Variants in HMGCLL1 observed in about 807,000 individuals in gnomAD.
HMGCLL1 encodes 3-hydroxy-3-methylglutaryl-CoA lyase like 1.
A neutral mutation model predicts 39.1 loss-of-function variants in HMGCLL1; 36 were observed. The ratio of observed to expected loss-of-function variants is 0.92; its 90% confidence interval spans 0.71 to 1.22. HMGCLL1 has a LOEUF of 1.22. HMGCLL1 is among the 50% of genes most tolerant of loss of function. The pLI is 0.00. For synonymous variants in HMGCLL1, 149 were observed against 144.0 expected (o/e 1.03, Z -0.25); for missense variants, 451 against 416.5 (o/e 1.08, Z -0.72).
At chr6:55,650,463 A>T in the HMGCLL1 span, among the ~76,000 whole-genome samples, 5 of 151,658 alleles carry the variant, frequency 3.3e-5, no homozygotes, top group African/African-American at 1.2e-4. Context: ...CCTCCAAAAT[A>T]TATGGAGTCC....
chr6:55,619,393 T>C, the HMGCLL1 span, among the ~76,000 whole-genome samples: 2 of 152,266 alleles, frequency 1.3e-5, no homozygotes, highest in East Asian at 3.9e-4. Context: ...ATAAGACTAC[T>C]GATTCTAATG....
At chr6:55,620,654 GAC>G in the HMGCLL1 span, among the ~76,000 whole-genome samples, 23 of 149,394 alleles carry the variant, frequency 1.5e-4, no homozygotes, top group African/African-American at 2.2e-4. Flanking sequence ...CAGACACACA[GAC>G]ACACACACAC....
chr6:55,542,186 T>C lies in HMGCLL1; in HGVS notation c.109-46A>G, dbSNP rs371252434. ...ACAAGATAACGTAACTTTTAGATTG[T>C]TACATTTGCTTATTTGAAAAGTTAA... On this transcript the variant is annotated intron_variant, in intron 1 of 8. Transcript: ENST00000274901. The C allele has an allele frequency of 6.0e-5, 76 of 1,256,396 alleles. 1 individual carries two copies. The African/African-American group carries it at 8.8e-4, about 15-fold the overall frequency. The allele number at this position is 1,256,396 out of a possible 1,614,324, so 77.8% of individuals were successfully genotyped here.
the HMGCLL1 span, among the ~76,000 whole-genome samples, chr6:55,636,197 T>C: frequency 3.3e-5 from 5 of 152,210 alleles, no homozygotes; most frequent in East Asian, 9.7e-4. Flanking sequence ...GGGAATATAA[T>C]TAAGGAATGA....
rs188389776 is a variant in HMGCLL1, at chr6:55,450,566, A to T, written c.796-11007T>A. Among the ~76,000 whole-genome samples the T allele has an allele frequency of 5.3e-5, 8 of 152,362 alleles. No individual in the cohort carries two copies. The East Asian group carries it at 1.3e-3, about 26-fold the overall frequency. On this transcript the variant is annotated intron_variant, in intron 7 of 8. Coordinates refer to ENST00000274901, the MANE Select transcript of HMGCLL1 (RefSeq NM_001042406.2). ...TAGCAAAATGCTGGATTTTAAAAGT[A>T]TATAACAAAGATGTGGAGGCAGACA...
chr6:55,609,878 G>C, the HMGCLL1 span, among the ~76,000 whole-genome samples: 1 of 152,112 alleles, frequency 6.6e-6, no homozygotes, highest in Non-Finnish European at 1.5e-5. Flanking sequence ...TCTAGGTGCA[G>C]GTGCAAGAGT....
At chr6:55,573,637 T>A (rs1771626797) in intron 1 of HMGCLL1, among the ~76,000 whole-genome samples, 1 of 151,944 alleles carries the variant, frequency 6.6e-6, no homozygotes, top group South Asian at 2.1e-4. Context: ...ATATTCAGAT[T>A]GAATACGGAG....
At chr6:55,620,985 T>C in the HMGCLL1 span, among the ~76,000 whole-genome samples, 1 of 152,230 alleles carries the variant, frequency 6.6e-6, no homozygotes, top group East Asian at 1.9e-4. Context: ...GGTCTATAGG[T>C]CTGTTTTTAT....
chr6:55,525,826 GC>G (rs1665190104), intron 3 of HMGCLL1, among the ~76,000 whole-genome samples: 1 of 151,876 alleles, frequency 6.6e-6, no homozygotes, highest in Non-Finnish European at 1.5e-5. Flanking sequence ...ACTCCTCCCT[GC>G]GGTGAGGAGT....
the HMGCLL1 span, among the ~76,000 whole-genome samples, chr6:55,647,745 C>CTTTTTTTT: frequency 3.3e-4 from 38 of 115,852 alleles, no homozygotes; most frequent in African/African-American, 5.2e-4. Flanking sequence ...TTTTTTTTTC[C>CTTTTTTTT]TTTTTTTTTT....
At chr6:55,655,396 A>G in the HMGCLL1 span, among the ~76,000 whole-genome samples, 6 of 151,674 alleles carry the variant, frequency 4.0e-5, no homozygotes, top group African/African-American at 1.5e-4. Context: ...CCTGTCATGC[A>G]TACTATGGCT....
chr6:55,455,246 C>T (rs985742374), intron 7 of HMGCLL1, among the ~76,000 whole-genome samples: 9 of 152,110 alleles, frequency 5.9e-5, no homozygotes, highest in African/African-American at 2.2e-4. Context: ...ACCTTGCTAG[C>T]TTGAGACCCA....
chr6:55,534,426 T>A lies in HMGCLL1; in HGVS notation c.297+7303A>T, dbSNP rs369331430. ...AATAGCTTATGAAAAAGTAATGCTA[T>A]AAAATTTACAAGGCTTGGTTATAAA... On this transcript the variant is annotated intron_variant, in intron 3 of 8. Transcript: ENST00000274901. Among the ~76,000 whole-genome samples the A allele has an allele frequency of 4.5e-4, 68 of 152,306 alleles. 1 individual carries two copies. In the South Asian group the frequency reaches 0.014, roughly 31 times the overall value.
chr6:55,495,686 C>A, intron 6 of HMGCLL1, 79 bp from the exon 7 acceptor site: 2 of 1,039,318 alleles, frequency 1.9e-6, no homozygotes, highest in Non-Finnish European at 2.7e-6. Context: ...CTAACATCAT[C>A]TAAAGGTAAA....
chr6:55,574,198 C>CT (rs538775426), intron 1 of HMGCLL1, among the ~76,000 whole-genome samples: 1 of 151,584 alleles, frequency 6.6e-6, no homozygotes, highest in Non-Finnish European at 1.5e-5. Flanking sequence ...AATATTAGTA[C>CT]TTTTTTTACT....
At chr6:55,653,427 G>A in the HMGCLL1 span, among the ~76,000 whole-genome samples, 1 of 151,960 alleles carries the variant, frequency 6.6e-6, no homozygotes, top group African/African-American at 2.4e-5. Flanking sequence ...GGATTTTCAA[G>A]AGGCAGATCT....
intron 7 of HMGCLL1, among the ~76,000 whole-genome samples, chr6:55,475,738 C>T (rs1353441927): frequency 2.0e-5 from 3 of 151,542 alleles, no homozygotes; most frequent in African/African-American, 4.8e-5. Context: ...AAATATTACT[C>T]TCATGTTATT....
At chr6:55,532,406 C>T (rs1263024852) in intron 3 of HMGCLL1, among the ~76,000 whole-genome samples, 3 of 152,046 alleles carry the variant, frequency 2.0e-5, no homozygotes, top group Non-Finnish European at 4.4e-5. Context: ...ATCCCAGGTA[C>T]AGTAGAAGTT....
chr6:55,619,046 T>C, the HMGCLL1 span, among the ~76,000 whole-genome samples: 13 of 152,012 alleles, frequency 8.6e-5, no homozygotes, highest in Admixed American at 4.6e-4. Context: ...CAGGAAACAA[T>C]GGACCCATCC....
Sources: allele counts gnomAD v4.1 joint callset (sites outside exome capture counted in the v4.1 genomes callset), GRCh38; gene constraint gnomAD v4.1.1; transcripts MANE v1.5; gene names NCBI Gene and HGNC (gene_info 2026-07-23, HGNC 2026-07-21).